The following NUP37 variants were observed in gnomAD, a reference collection of about 807,000 sequenced individuals.
NUP37 encodes the protein nucleoporin 37, also known as nucleoporin Nup37.
A neutral mutation model predicts 45.4 loss-of-function variants in NUP37; 33 were observed. The ratio of observed to expected loss-of-function variants is 0.73; its 90% CI spans 0.55 to 0.97. The LOEUF (loss-of-function observed/expected upper bound fraction) is 0.97, where lower values mean the gene tolerates loss of function less well. Ranked by LOEUF, NUP37 falls within the 50% of genes least tolerant of loss-of-function variation. The pLI is 0.00. For synonymous variants in NUP37, 127 were observed against 130.7 expected, an observed-to-expected ratio of 0.97 and a Z score of 0.19; for missense variants, 365 against 389.7, an observed-to-expected ratio of 0.94 and a Z score of 0.53.
intron 5 of NUP37, among the ~76,000 whole-genome samples, chr12:102,090,445 A>G (rs746344644): frequency 1.2e-4 from 18 of 152,194 alleles, no homozygotes; most frequent in Non-Finnish European, 2.4e-4. Context: ...AAGAGGGAAT[A>G]CAGCTTCTTT....
At chr12:102,111,102 T>C (rs548757223) in intron 3 of NUP37, among the ~76,000 whole-genome samples, 3 of 152,326 alleles carry the variant, frequency 2.0e-5, no homozygotes, top group South Asian at 2.1e-4. Context: ...CTATGGTCTA[T>C]TGATACACTG....
rs146059848 is a variant in NUP37 at position 102,080,943 on chromosome 12, T to G, written c.541-3440A>C. ...GGACTACGGAAGGGCTAAGTCTACC[T>G]GAGCCTGGTCCGAAGGTAGTAGGGG... On this transcript the variant is annotated intron_variant, in intron 6 of 9. Transcript: ENST00000552283. Among the ~76,000 whole-genome samples, 330 of 152,350 alleles carry G rather than the reference T, an allele frequency of 2.2e-3. 2 individuals are homozygous for G. The highest frequency in any genetic ancestry group is 7.7e-3 in the African/African-American group (322 of 41,584).
At chr12:102,111,964 A>T (rs1880329170) in intron 3 of NUP37, 144 bp downstream of exon 3, 1 of 691,172 alleles carries the variant, frequency 1.4e-6, no homozygotes, top group Non-Finnish European at 2.4e-6. Flanking sequence ...CTAAATTATT[A>T]AGTAGTAGCA....
chr12:102,101,229 T>C (rs1879963613), intron 3 of NUP37, 125 bp from the exon 4 acceptor site: 2 of 519,326 alleles, frequency 3.9e-6, no homozygotes, highest in Non-Finnish European at 6.9e-6. Context: ...ATGCTTTTTA[T>C]GGAGGGGGAA....
chr12:102,099,057 C>G (rs753836967), intron 5 of NUP37, 49 bp downstream of exon 5: 1 of 1,178,962 alleles, frequency 8.5e-7, no homozygotes. Context: ...AAATGTAATT[C>G]TCATTAAAAT....
chr12:102,088,205 C>T (rs934455772), intron 5 of NUP37, among the ~76,000 whole-genome samples: 10 of 152,228 alleles, frequency 6.6e-5, no homozygotes, highest in African/African-American at 1.7e-4. Flanking sequence ...GTTGTTAAGT[C>T]TTATTTTCCT....
chr12:102,085,148 G>C (rs1484304339), intron 6 of NUP37, among the ~76,000 whole-genome samples: 1 of 152,140 alleles, frequency 6.6e-6, no homozygotes, highest in East Asian at 1.9e-4. Context: ...GGCCAGGCAT[G>C]GTGGTTCATG....
intron 5 of NUP37, among the ~76,000 whole-genome samples, chr12:102,095,006 G>C (rs968022644): frequency 6.6e-6 from 1 of 152,000 alleles, no homozygotes; most frequent in Admixed American, 6.6e-5. Context: ...GTTACAGTGC[G>C]TACTAGGTCT....
chr12:102,093,289 T>C (rs1272848821), intron 5 of NUP37, among the ~76,000 whole-genome samples: 1 of 152,132 alleles, frequency 6.6e-6, no homozygotes, highest in Non-Finnish European at 1.5e-5. Context: ...TCAATTTGTA[T>C]GCTGTTGCTT....
chr12:102,107,342 T>A (rs1354041783), intron 3 of NUP37, among the ~76,000 whole-genome samples: 4 of 152,142 alleles, frequency 2.6e-5, no homozygotes, highest in African/African-American at 9.7e-5. Flanking sequence ...TAGTTCAACA[T>A]CCCCTGTCTA....
At chr12:102,085,982 A>G (rs1879459174) in intron 5 of NUP37, 126 bp from the exon 6 acceptor site, 7 of 433,336 alleles carry the variant, frequency 1.6e-5, no homozygotes, top group East Asian at 1.4e-4. Context: ...TACTTAATGT[A>G]TATCTTTTTA....
chr12:102,077,067 T>A, intron 7 of NUP37: 1 of 608,646 alleles, frequency 1.6e-6, no homozygotes, highest in Non-Finnish European at 2.9e-6. Flanking sequence ...GTGTTTTTCT[T>A]ATTTTCCAAT....
chr12:102,077,240 T>C, intron 7 of NUP37, 82 bp downstream of exon 7: 1 of 1,398,820 alleles, frequency 7.1e-7, no homozygotes, highest in Non-Finnish European at 1.0e-6. Flanking sequence ...GTCTCAGGTA[T>C]AACAGGATGG....
At chr12:102,118,685 A>G (rs943220234) in intron 1 of NUP37, 102 bp from the exon 2 acceptor site, 1 of 572,666 alleles carries the variant, frequency 1.7e-6, no homozygotes, top group African/African-American at 1.9e-5. Flanking sequence ...CAGAAAGCTC[A>G]AAAGAAACAT....
chr12:102,076,850 A>G lies in NUP37; in HGVS notation c.723-3T>C, dbSNP rs1338767435. On this transcript the variant is annotated splice_polypyrimidine_tract_variant and splice_region_variant and intron_variant, in intron 7 of 9. Transcript: ENST00000552283. ...CAGGTCTCTTATTTTGAGGATAACTAAAAGATAATATTTTGCATTTTATGA... is the reference window on the plus strand; with the variant it reads ...CAGGTCTCTTATTTTGAGGATAACTGAAAGATAATATTTTGCATTTTATGA... The G allele has an allele frequency of 6.2e-7, 1 of 1,609,858 alleles. No individual in the cohort carries two copies. Among genetic ancestry groups the G allele is most frequent in the Non-Finnish European group, 8.5e-7 (1 of 1,176,778 alleles).
chr12:102,089,227 G>A (rs919938119), intron 5 of NUP37, among the ~76,000 whole-genome samples: 5 of 149,740 alleles, frequency 3.3e-5, no homozygotes, highest in South Asian at 2.2e-4. Flanking sequence ...CTGTCTCTTC[G>A]GAGCTGTTGG....
chr12:102,111,165 G>C (rs1880304024), intron 3 of NUP37, among the ~76,000 whole-genome samples: 1 of 152,126 alleles, frequency 6.6e-6, no homozygotes, highest in Admixed American at 6.5e-5. Flanking sequence ...TGGAAAAATT[G>C]CAAAAACAAG....
chr12:102,093,854 G>C (rs1475125200), intron 5 of NUP37, among the ~76,000 whole-genome samples: 1 of 151,970 alleles, frequency 6.6e-6, no homozygotes, highest in South Asian at 2.1e-4. Context: ...TTAAATTACT[G>C]TAGTCACTGA....
intron 2 of NUP37, 141 bp from the exon 3 acceptor site, chr12:102,112,373 T>G: frequency 1.7e-6 from 1 of 588,932 alleles, no homozygotes. Context: ...AAGATTTAAC[T>G]AGTTCATTGA....
Sources: allele counts gnomAD v4.1 joint callset (sites outside exome capture counted in the v4.1 genomes callset), GRCh38; gene constraint gnomAD v4.1.1; transcripts MANE v1.5; gene names NCBI Gene and HGNC (gene_info 2026-07-23, HGNC 2026-07-21).